Variants in DHX16 observed in about 807,000 individuals in gnomAD.
DHX16 encodes pre-mRNA-splicing factor ATP-dependent RNA helicase DHX16.
In DHX16, 81 loss-of-function variants were observed where a neutral mutation model predicts 131.2. The observed-to-expected ratio is 0.62, with a 90% confidence interval of 0.52 to 0.74. The LOEUF is 0.74. Ranked by LOEUF, DHX16 falls within the 30% of genes least tolerant of loss-of-function variation. The pLI is 0.00. For missense variants in DHX16, 980 were observed against 1,363.1 expected, an observed-to-expected ratio of 0.72 and a Z score of 4.43; for synonymous variants, 440 against 520.2, an observed-to-expected ratio of 0.85 and a Z score of 2.10.
At chr6:30,659,965 G>A in intron 10 of DHX16, 67 bp downstream of exon 10, 1 of 1,571,872 alleles carries the variant, frequency 6.4e-7, no homozygotes, top group Admixed American at 1.7e-5. Flanking sequence ...CCCTCCACAG[G>A]ATAACCTTCT....
chr6:30,659,348 C>T (rs183694119), intron 12 of DHX16, 124 bp downstream of exon 12: 10 of 1,056,922 alleles, frequency 9.5e-6, no homozygotes, highest in African/African-American at 6.4e-5. Flanking sequence ...GAACAAGGGA[C>T]TGGCTGCTCC....
chr6:30,654,803 G>C lies in DHX16; in HGVS notation c.2900C>G (p.Thr967Arg). The part of the protein sequence containing the change: ...SGYRTVKQQQ[T>R]VFIHPNSSLF... ...GGAGGAGTTGGGATGAATGAAGACT[G>C]TCTGCTGCTGTTTCACTGTGCGGTA... Residue 967 changes from threonine (T) to arginine (R), a missense_variant, in exon 19 of 20, where the codon ACA becomes AGA. Around this residue, in one of 3 missense-constraint regions of DHX16, gnomAD observed 214 missense variants for 271.2 expected, o/e 0.79. Coordinates refer to ENST00000376442, the MANE Select transcript of DHX16 (RefSeq NM_003587.5). 1 of 1,613,036 alleles carries C rather than the reference G, an allele frequency of 6.2e-7. No individual in the cohort carries two copies. The highest frequency in any genetic ancestry group is 2.2e-5 in the East Asian group (1 of 44,878).
At chr6:30,654,071 G>A (rs755048349) in intron 19 of DHX16, among the ~76,000 whole-genome samples, 1 of 151,874 alleles carries the variant, frequency 6.6e-6, no homozygotes, top group Non-Finnish European at 1.5e-5. Flanking sequence ...GAGCTGAGAT[G>A]GTGCCACTGC....
chr6:30,658,542 CAAAAAAA>C (rs538072025), intron 12 of DHX16, among the ~76,000 whole-genome samples: 4 of 82,102 alleles, frequency 4.9e-5, no homozygotes, highest in Non-Finnish European at 9.5e-5. Flanking sequence ...GACTCCATCT[CAAAAAAA>C]AAAAAAAAAA....
rs1767994368 is a variant in DHX16 at position 30,656,468 on chromosome 6, G to A, written c.2353C>T (p.Pro785Ser). The A allele has an allele frequency of 3.7e-6, 6 of 1,614,084 alleles. No individual in the cohort carries two copies. In the Admixed American group the frequency reaches 8.3e-5, roughly 22 times the overall value. Residue 785 changes from proline to serine, a missense_variant, in exon 15 of 20, where the codon CCA becomes TCA. Pro to Ser is a moderately conservative substitution (Grantham distance 74). Around this residue, in one of 3 missense-constraint regions of DHX16, gnomAD observed 309 missense variants for 537.1 expected, o/e 0.58. Coordinates refer to ENST00000376442, the MANE Select transcript of DHX16 (RefSeq NM_003587.5). The surrounding 1 kb of genome is among the most constrained non-coding windows in gnomAD (Gnocchi z 5.1). ...LMHFDFLDPP[P>S]YETLLLALEQ... ...AAAGCCAGCAGCAGTGTCTCATATGGTGGAGGGTCCAGGAAATCAAAGTGC... is the reference window on the plus strand; with the variant it reads ...AAAGCCAGCAGCAGTGTCTCATATGATGGAGGGTCCAGGAAATCAAAGTGC...
chr6:30,657,294 T>C (rs752823637), intron 12 of DHX16, among the ~76,000 whole-genome samples: 11 of 149,364 alleles, frequency 7.4e-5, no homozygotes, highest in Admixed American at 1.3e-4. Context: ...AGCAGGGCCA[T>C]AGGAGGAAAG....
chr6:30,658,715 AAG>A (rs1177417897), intron 12 of DHX16, among the ~76,000 whole-genome samples: 1 of 151,870 alleles, frequency 6.6e-6, no homozygotes, highest in Non-Finnish European at 1.5e-5. Context: ...TGTCTCAAAA[AAG>A]AAAAATAAAT....
chr6:30,670,861 C>T lies in DHX16; in HGVS notation c.538G>A (p.Ala180Thr). Residue 180 changes from alanine to threonine, a missense_variant, in exon 3 of 20, where the codon GCC (alanine) becomes ACC (threonine). Around this residue, in one of 3 missense-constraint regions of DHX16, gnomAD observed 457 missense variants for 554.8 expected, o/e 0.82. Transcript: ENST00000376442. The surrounding 1 kb of genome is among the most constrained non-coding windows in gnomAD (Gnocchi z 4.4). Reference sequence around the variant, plus strand: ...CGCTGTCGAACCCGCTCAGCAAAGGCATCACGCTCCTCCAGGTCCTGAAGG... The same window carrying T: ...CGCTGTCGAACCCGCTCAGCAAAGGTATCACGCTCCTCCAGGTCCTGAAGG... ...ERLQDLEERD[A>T]FAERVRQRDK... 2.5e-6 allele frequency: 4 copies of T among 1,613,096 alleles called. No homozygotes were observed. Among genetic ancestry groups the T allele is most frequent in the Non-Finnish European group, 3.4e-6 (4 of 1,180,034 alleles).
In DHX16 at chr6:30,656,118, G is replaced by A; in HGVS notation, c.2498+80C>T. 8 of 1,372,614 alleles carry A rather than the reference G, an allele frequency of 5.8e-6. 1 individual carries two copies. Among genetic ancestry groups the A allele is most frequent in the Non-Finnish European group, 8.2e-6 (8 of 970,932 alleles). 85.0% of individuals were successfully genotyped at this position (1,372,614 alleles called of 1,614,324 possible). On this transcript the variant is annotated intron_variant, in intron 16 of 19. Transcript: ENST00000376442. The surrounding 1 kb of genome is among the most constrained non-coding windows in gnomAD (Gnocchi z 5.1). ...AGGGATAGTATGATGAACAGAAAAA[G>A]ACAGACAAAGGGGACCCTGGAGACA...
Position 30,663,030 on chromosome 6 carries a change from C to A in DHX16, c.1318-9G>T, listed in dbSNP as rs1195634992. The A allele has an allele frequency of 1.3e-6, 2 of 1,592,184 alleles. No homozygotes were observed. The highest frequency in any genetic ancestry group is 1.8e-5 in the Admixed American group (1 of 54,610). On this transcript the variant is annotated splice_polypyrimidine_tract_variant and intron_variant, in intron 7 of 19. Coordinates refer to ENST00000376442, the MANE Select transcript of DHX16 (RefSeq NM_003587.5). ...CCCTTGTTTGTATAACCCTGAATGA[C>A]AAAGAAAAAAGAAGAAGTTTGCCCT...
chr6:30,667,680 C>A (rs1247148822), intron 4 of DHX16, among the ~76,000 whole-genome samples: 1 of 151,676 alleles, frequency 6.6e-6, no homozygotes, highest in Admixed American at 6.6e-5. Context: ...TGATGAAAGG[C>A]TATTGGTAGA....
intron 7 of DHX16, 120 bp downstream of exon 7, chr6:30,664,681 A>C (rs1230388897): frequency 7.7e-6 from 7 of 903,744 alleles, no homozygotes; most frequent in Non-Finnish European, 9.9e-6. Context: ...CAAGAATTTC[A>C]CAATTTAGTG....
chr6:30,660,357 T>C, intron 9 of DHX16, 115 bp from the exon 10 acceptor site: 1 of 855,548 alleles, frequency 1.2e-6, no homozygotes, highest in Non-Finnish European at 1.7e-6. Context: ...AGAATGACTG[T>C]TGACGGAGGG....
At chr6:30,653,536 T>C (rs1767656761) in intron 19 of DHX16, among the ~76,000 whole-genome samples, 166 bp from the exon 20 acceptor site, 1 of 151,564 alleles carries the variant, frequency 6.6e-6, no homozygotes. Context: ...GCCTCCCAAG[T>C]AGCTGAGACT....
chr6:30,656,845 C>T lies in DHX16; in HGVS notation c.2149-86G>A. 3 of 1,595,026 alleles carry T rather than the reference C, an allele frequency of 1.9e-6. No individual in the cohort carries two copies. The highest frequency in any genetic ancestry group is 8.5e-7 in the Non-Finnish European group (1 of 1,170,830). ...TTTATGCAAGAAATCTGGAAGGATG[C>T]AAACTGCTCATCCCGGTTCCCTAGG... On this transcript the variant is annotated intron_variant, in intron 13 of 19. Coordinates refer to ENST00000376442, the MANE Select transcript of DHX16 (RefSeq NM_003587.5). This position sits in a 1 kb window ranked among gnomAD's most constrained non-coding sequence, Gnocchi z 5.1.
rs766336363 is a variant in DHX16, at chr6:30,672,756, A to T, written c.86T>A (p.Phe29Tyr). 35 of 1,612,950 alleles carry T rather than the reference A, an allele frequency of 2.2e-5. 1 individual carries two copies. In the East Asian group the frequency reaches 7.8e-4, roughly 36 times the overall value. The change falls in exon 1 of 20, where the codon TTT (phenylalanine) becomes TAT (tyrosine). Residue 29 changes from phenylalanine to tyrosine, a missense_variant. Coordinates refer to ENST00000376442, the MANE Select transcript of DHX16 (RefSeq NM_003587.5). ...GCAGCGCTGTGCGGTACCGATCAGA[A>T]ACTGGGCGACGTGCCGCTCGCTCAG... ...LGLSERHVAQ[F>Y]LIGTAQRCTS...
chr6:30,659,085 C>T (rs1000462425), intron 12 of DHX16, among the ~76,000 whole-genome samples: 12 of 152,270 alleles, frequency 7.9e-5, no homozygotes, highest in African/African-American at 2.6e-4. Context: ...CAGGGTTTCA[C>T]CACGTTAGGC....
Position 30,656,100 on chromosome 6 carries a change from G to A in DHX16, c.2498+98C>T. The A allele has an allele frequency of 6.9e-6, 8 of 1,165,530 alleles. No homozygotes were observed. The highest frequency in any genetic ancestry group is 6.4e-6 in the Non-Finnish European group (5 of 785,934). 72.2% of individuals were successfully genotyped at this position (1,165,530 alleles called of 1,614,324 possible). ...ATACTTTATTATGTGTTAAGGGATA[G>A]TATGATGAACAGAAAAAGACAGACA... On this transcript the variant is annotated intron_variant, in intron 16 of 19. Transcript: ENST00000376442. The surrounding 1 kb of genome is among the most constrained non-coding windows in gnomAD (Gnocchi z 5.1).
intron 19 of DHX16, 28 bp from the exon 20 acceptor site, chr6:30,653,398 TC>T (rs1360579077): frequency 6.4e-7 from 1 of 1,568,240 alleles, no homozygotes. Context: ...TCAATGGAGT[TC>T]CCTTCTTTCC....
Sources: gnomAD v4.1 joint callset for allele counts (sites outside exome capture counted in the v4.1 genomes callset) on GRCh38, gnomAD v4.1.1 for gene constraint, gnomAD v4.1.1 regional missense constraint, Gnocchi (gnomAD v3.1) non-coding constraint, MANE v1.5 for transcripts, NCBI Gene and HGNC (gene_info 2026-07-23, HGNC 2026-07-21) for gene names.